Variants in AKR1C3 observed in about 807,000 individuals in gnomAD.
AKR1C3 encodes aldo-keto reductase family 1 member C3.
AKR1C3 carries 48 observed loss-of-function variants against 43.6 expected under a neutral mutation model. The ratio of observed to expected loss-of-function variants is 1.10; its 90% CI spans 0.87 to 1.40. The LOEUF is 1.40. Among genes scored for constraint, AKR1C3 ranks in the 40% most tolerant of loss-of-function variants. The probability of loss-of-function intolerance (pLI) is 0.00; values close to 1 mark genes in which losing one functional copy is unlikely to be tolerated. For synonymous variants in AKR1C3, 162 were observed against 139.6 expected (o/e 1.16, Z -1.13); for missense variants, 482 against 391.2 (o/e 1.23, Z -1.96).
At chr10:5,096,318 A>C in intron 1 of AKR1C3, 92 bp from the exon 2 acceptor site, 1 of 1,464,368 alleles carries the variant, frequency 6.8e-7, no homozygotes, top group Non-Finnish European at 9.2e-7. Flanking sequence ...GACAGGAGGA[A>C]AAGCTGATTC....
upstream of AKR1C3, among the ~76,000 whole-genome samples, chr10:5,093,228 T>G (rs551457386): frequency 3.5e-4 from 54 of 152,230 alleles, no homozygotes; most frequent in African/African-American, 9.6e-4. Flanking sequence ...ATAAATAAGT[T>G]TATTTTAGTC....
chr10:5,067,291 T>C (rs941919798), intron 1 of AKR1C3, among the ~76,000 whole-genome samples: 34 of 152,218 alleles, frequency 2.2e-4, no homozygotes, highest in African/African-American at 7.5e-4. Context: ...ACAGTAGAAG[T>C]GTTAATCTGT....
intron 1 of AKR1C3, among the ~76,000 whole-genome samples, chr10:5,066,414 T>A (rs1362605108): frequency 6.6e-6 from 1 of 152,214 alleles, no homozygotes; most frequent in Non-Finnish European, 1.5e-5. Context: ...CATTTTGGGT[T>A]TCCCATCTCA....
intron 1 of AKR1C3, among the ~76,000 whole-genome samples, chr10:5,065,965 G>C (rs1300605197): frequency 6.6e-6 from 1 of 152,136 alleles, no homozygotes; most frequent in Non-Finnish European, 1.5e-5. Flanking sequence ...CTCTCACTCT[G>C]CTCTCTCTAG....
At chr10:5,100,294 CA>C (rs1183124163) in intron 5 of AKR1C3, among the ~76,000 whole-genome samples, 2 of 150,084 alleles carry the variant, frequency 1.3e-5, no homozygotes, top group Admixed American at 6.6e-5. Flanking sequence ...AACTCCGTCT[CA>C]AAAAAAAAGA....
intron 1 of AKR1C3, among the ~76,000 whole-genome samples, chr10:5,070,108 C>T (rs1201699533): frequency 6.6e-6 from 1 of 152,156 alleles, no homozygotes; most frequent in East Asian, 1.9e-4. Flanking sequence ...ACATGGACAC[C>T]CTTAGTTTTC....
At position 5,095,204 on chromosome 10, in the gene AKR1C3, A is replaced by G. The variant is rs552727616; in HGVS notation, c.84+676A>G. 2.6e-5 allele frequency among the ~76,000 whole-genome samples: 4 copies of G among 152,234 alleles called. No homozygotes were observed. In the East Asian group the frequency reaches 5.8e-4, roughly 22 times the overall value. On this transcript the variant is annotated intron_variant, in intron 1 of 8. Transcript: ENST00000380554. ...GTCTTCTGACACAAAAATGAACAAA[A>G]TGGAGACCTCATTTTCTAGATAGAA... is the stretch of plus-strand genomic sequence containing the variant.
At chr10:5,093,742 TAATA>T (rs1839144679), upstream of AKR1C3, 2 of 152,288 alleles carry the variant, frequency 1.3e-5, no homozygotes, top group South Asian at 4.1e-4. Flanking sequence ...CAAAAACTGT[TAATA>T]ATTAACACTC....
chr10:5,068,071 A>G (rs1253811447), intron 1 of AKR1C3, among the ~76,000 whole-genome samples: 1 of 152,182 alleles, frequency 6.6e-6, no homozygotes, highest in African/African-American at 2.4e-5. Context: ...TGAAAATCTG[A>G]CAAAGTATTT....
At chr10:5,088,315 T>C (rs1290041554) in intron 1 of AKR1C3, among the ~76,000 whole-genome samples, 1 of 152,172 alleles carries the variant, frequency 6.6e-6, no homozygotes, top group African/African-American at 2.4e-5. Context: ...TAGAATGTTC[T>C]GTAAATGATT....
upstream of AKR1C3, chr10:5,094,407 C>A (rs1554784818): frequency 6.2e-7 from 1 of 1,601,328 alleles, no homozygotes; most frequent in Non-Finnish European, 8.5e-7. Context: ...TGAGGAGAAG[C>A]AGCAGCAAAC....
At chr10:5,098,658 G>A (rs990146778) in intron 3 of AKR1C3, 144 bp from the exon 4 acceptor site, 15 of 671,718 alleles carry the variant, frequency 2.2e-5, no homozygotes, top group African/African-American at 2.1e-4. Context: ...ACCTTCATAT[G>A]TAAAACACTT....
chr10:5,097,823 G>A, intron 3 of AKR1C3: 1 of 1,183,030 alleles, frequency 8.5e-7, no homozygotes, highest in South Asian at 1.8e-5. Context: ...CACTGTCTTA[G>A]TTGTGGCTTT....
chr10:5,102,528 T>C lies in AKR1C3; in HGVS notation c.724T>C (p.Cys242Arg), dbSNP rs1554786253. 3 of 1,576,126 alleles carry C rather than the reference T, an allele frequency of 1.9e-6. No homozygotes were observed. Among genetic ancestry groups the C allele is most frequent in the South Asian group, 2.3e-5 (2 of 85,886 alleles). ...SPVLLEDPVL[C>R]ALAKKHKRTP... The stretch of plus-strand genomic sequence containing the variant: ...GGTGCTCTTGGAGGACCCAGTCCTT[T>C]GTGCCTTGGCAAAAAAGCACAAGCG... The change falls in exon 7 of 9, where the codon TGT becomes CGT. Residue 242 changes from cysteine to arginine, a missense_variant. By Grantham distance (180) the Cys-to-Arg change is radical. Transcript: ENST00000380554.
intron 5 of AKR1C3, among the ~76,000 whole-genome samples, chr10:5,100,218 C>A (rs919118286): frequency 7.9e-5 from 12 of 152,144 alleles, no homozygotes; most frequent in Non-Finnish European, 1.5e-5. Context: ...CGCTTGAACC[C>A]AGGAGGCAGA....
At chr10:5,085,137 C>T (rs1838934484) in intron 1 of AKR1C3, among the ~76,000 whole-genome samples, 1 of 152,078 alleles carries the variant, frequency 6.6e-6, no homozygotes, top group Admixed American at 6.6e-5. Flanking sequence ...TGAGAGAAGG[C>T]ATCCCTGTCT....
At chr10:5,085,688 G>A (rs1838950006) in intron 1 of AKR1C3, among the ~76,000 whole-genome samples, 2 of 151,864 alleles carry the variant, frequency 1.3e-5, no homozygotes. Flanking sequence ...GAATTCAGCT[G>A]TGAATCCATC....
chr10:5,050,023 C>A (rs2398189), intron 1 of AKR1C3, among the ~76,000 whole-genome samples: 2,896 of 120,874 alleles, frequency 0.024, 100 homozygotes, highest in African/African-American at 0.095. Flanking sequence ...CCCATGTGGC[C>A]GCATTAGATG....
intron 1 of AKR1C3, among the ~76,000 whole-genome samples, chr10:5,087,638 G>C (rs1322709653): frequency 2.0e-5 from 3 of 151,918 alleles, no homozygotes; most frequent in Non-Finnish European, 4.4e-5. Flanking sequence ...CTCCCTAAGT[G>C]CTGGGATTAC....
Sources: allele counts gnomAD v4.1 joint callset (sites outside exome capture counted in the v4.1 genomes callset), GRCh38; gene constraint gnomAD v4.1.1; transcripts MANE v1.5; gene names NCBI Gene and HGNC (gene_info 2026-07-23, HGNC 2026-07-21).